Variants in POR observed in about 807,000 individuals in gnomAD.
The protein encoded by POR is NADPH--cytochrome P450 reductase.
In POR, 56 loss-of-function variants were observed where a neutral mutation model predicts 84.0. The ratio of observed to expected loss-of-function variants is 0.67; its 90% CI spans 0.54 to 0.83. The LOEUF is 0.83. POR is among the 40% of genes least tolerant of loss of function. POR has a pLI of 0.00. For synonymous variants in POR, 414 were observed against 400.5 expected (o/e 1.03, Z -0.40); for missense variants, 938 against 944.3 (o/e 0.99, Z 0.09).
At chr7:75,983,415 G>T in intron 8 of POR, 105 bp from the exon 9 acceptor site, 1 of 762,450 alleles carries the variant, frequency 1.3e-6, no homozygotes, top group South Asian at 1.6e-5. Flanking sequence ...TCCTCATGGA[G>T]ATCTCTGAGA....
At chr7:75,982,114 C>G in intron 7 of POR, 110 bp from the exon 8 acceptor site, 1 of 777,070 alleles carries the variant, frequency 1.3e-6, no homozygotes, top group East Asian at 2.7e-5. Flanking sequence ...TCGTATGTAC[C>G]TGGGACCTCA....
Position 75,954,188 on chromosome 7 carries a change from C to T in POR, c.188+8C>T. On this transcript the variant is annotated splice_region_variant and intron_variant, in intron 2 of 15. Transcript: ENST00000461988. ...CACCAAAATTCAGACATTGTAAGTG[C>T]CGCCTCTCAGCCTCCTCTCTCTGTC... 6.2e-7 allele frequency: 1 copy of T among 1,601,264 alleles called. No individual in the cohort carries two copies. Among genetic ancestry groups the T allele is most frequent in the Non-Finnish European group, 8.5e-7 (1 of 1,172,386 alleles).
intron 2 of POR, among the ~76,000 whole-genome samples, chr7:75,970,521 A>AT (rs1234313112): frequency 4.4e-4 from 65 of 148,130 alleles, no homozygotes; most frequent in African/African-American, 1.4e-3. Flanking sequence ...ATTAAAAAAA[A>AT]TTTTTTTTTT....
intron 1 of POR, chr7:75,922,963 C>T (rs1234182244): frequency 3.1e-5 from 21 of 679,368 alleles, no homozygotes; most frequent in Non-Finnish European, 4.0e-5. Context: ...GTGTCTCAGA[C>T]GACTAGAAGT....
At chr7:75,947,383 C>G (rs1787223297) in intron 1 of POR, 1 of 152,778 alleles carries the variant, frequency 6.5e-6, no homozygotes, top group Non-Finnish European at 1.5e-5. Context: ...TCAAGCGATT[C>G]TCCTGCCTCA....
At chr7:75,972,879 G>A in intron 3 of POR, 1 of 261,730 alleles carries the variant, frequency 3.8e-6, no homozygotes, top group Non-Finnish European at 7.7e-6. Flanking sequence ...CTGGAGTGCA[G>A]TGGCGCAATC....
At position 75,984,810 on chromosome 7, in the gene POR, C is replaced by G. The variant is rs1237849921; in HGVS notation, c.1100C>G (p.Pro367Arg). 1.9e-6 allele frequency: 3 copies of G among 1,612,522 alleles called. No individual in the cohort carries two copies. The highest frequency in any genetic ancestry group is 2.5e-6 in the Non-Finnish European group (3 of 1,179,822). Residue 367 changes from proline (P) to arginine (R), a missense_variant, in exon 11 of 16, where the codon CCT (proline) becomes CGT (arginine). By Grantham distance (103) the Pro-to-Arg change is moderately radical. Transcript: ENST00000461988. ...AACAAGAAGCACCCATTCCCGTGCC[C>G]TACGTCCTACCGCACGGCCCTCACC...
At position 75,986,625 on chromosome 7, in the gene POR, ATCC is replaced by A. The variant is rs886062444; in HGVS notation, c.*150_*152del. ...AAAGACTCCTCTGGGCCTGGGGTGC[ATCC>A]TCCTCAGCCCCCAGGCCAGGTGAGG... On this transcript the variant is annotated 3_prime_UTR_variant, in exon 16 of 16. Coordinates refer to ENST00000461988, the MANE Select transcript of POR (RefSeq NM_000941.3). 220 of 1,065,764 alleles carry A rather than the reference ATCC, an allele frequency of 2.1e-4. No homozygotes were observed. The East Asian group carries it at 5.6e-3, about 27-fold the overall frequency. 66.0% of individuals were successfully genotyped at this position (1,065,764 alleles called of 1,614,324 possible). A position where few individuals can be genotyped will look rare whatever the true frequency, so the allele number is the denominator to read the frequency against.
chr7:75,962,264 C>A (rs73363993), intron 2 of POR, among the ~76,000 whole-genome samples: 2,442 of 152,150 alleles, frequency 0.016, 47 homozygotes, highest in African/African-American at 0.05. Context: ...CAGGTATATT[C>A]AGGTATAATT....
intron 1 of POR, among the ~76,000 whole-genome samples, chr7:75,952,084 C>CG (rs1787451032): frequency 9.1e-6 from 1 of 110,332 alleles, no homozygotes; most frequent in African/African-American, 3.9e-5. Context: ...GCTGGCCGGG[C>CG]GGGGGGCTGA....
intron 1 of POR, among the ~76,000 whole-genome samples, chr7:75,917,798 C>A (rs1237646089): frequency 6.6e-6 from 1 of 152,142 alleles, no homozygotes; most frequent in African/African-American, 2.4e-5. Context: ...CGAGTACCCA[C>A]CACCTGGCCA....
At chr7:75,940,599 A>G (rs1352745307) in intron 1 of POR, among the ~76,000 whole-genome samples, 3 of 151,044 alleles carry the variant, frequency 2.0e-5, no homozygotes, top group Non-Finnish European at 4.4e-5. Flanking sequence ...CCTGGCTAAT[A>G]TGGTGAAACC....
At chr7:75,917,038 A>G (rs1806603111) in intron 1 of POR, among the ~76,000 whole-genome samples, 1 of 152,062 alleles carries the variant, frequency 6.6e-6, no homozygotes, top group Non-Finnish European at 1.5e-5. Flanking sequence ...TCCATGGAAC[A>G]TTTCAAGTTA....
At chr7:75,935,726 C>G (rs1807645347) in intron 1 of POR, among the ~76,000 whole-genome samples, 1 of 151,274 alleles carries the variant, frequency 6.6e-6, no homozygotes, top group Admixed American at 6.6e-5. Flanking sequence ...GGATTTTTCA[C>G]CAGGCATCAT....
chr7:75,952,122 AGCTGGCC>A (rs1787454504), intron 1 of POR, among the ~76,000 whole-genome samples: 4 of 11,436 alleles, frequency 3.5e-4, no homozygotes, highest in African/African-American at 2.6e-3. Flanking sequence ...CGGACGGGGC[AGCTGGCC>A]GGGCGGGGGG....
chr7:75,949,119 G>A (rs573724446), intron 1 of POR, among the ~76,000 whole-genome samples: 2 of 152,194 alleles, frequency 1.3e-5, no homozygotes, highest in East Asian at 1.9e-4. Flanking sequence ...CTTATGAGCT[G>A]TGTAAGGACT....
intron 8 of POR, 58 bp from the exon 9 acceptor site, chr7:75,983,462 G>T (rs1441396724): frequency 6.4e-6 from 8 of 1,258,056 alleles, no homozygotes; most frequent in Non-Finnish European, 8.1e-6. Flanking sequence ...CGTCCTTGGA[G>T]ACGGAGACTC....
At chr7:75,918,580 C>T (rs1806692079) in intron 1 of POR, 1 of 152,060 alleles carries the variant, frequency 6.6e-6, no homozygotes, top group South Asian at 2.1e-4. Flanking sequence ...TGTTTGGATC[C>T]CTGTAGCGTG....
intron 1 of POR, among the ~76,000 whole-genome samples, chr7:75,948,241 G>A (rs376745349): frequency 2.6e-5 from 4 of 152,186 alleles, no homozygotes; most frequent in African/African-American, 4.8e-5. Flanking sequence ...CCTTCCCACC[G>A]CACCTGTCTT....
Sources: allele counts gnomAD v4.1 joint callset (sites outside exome capture counted in the v4.1 genomes callset), GRCh38; gene constraint gnomAD v4.1.1; transcripts MANE v1.5; gene names NCBI Gene and HGNC (gene_info 2026-07-23, HGNC 2026-07-21).